The following MYLK variants were observed in gnomAD, a reference collection of about 807,000 sequenced individuals.
MYLK encodes myosin light chain kinase.
A neutral mutation model predicts 203.4 loss-of-function variants in MYLK; 106 were observed. The observed-to-expected ratio is 0.52, with a 90% CI of 0.45 to 0.61. The LOEUF is 0.61. MYLK is among the 20% of genes least tolerant of loss of function. The pLI is 0.00. For missense variants in MYLK, 2,072 were observed against 2,442.3 expected, an observed-to-expected ratio of 0.85 and a Z score of 3.20; for synonymous variants, 867 against 959.5, an observed-to-expected ratio of 0.90 and a Z score of 1.78.
chr3:123,772,399 T>A lies in MYLK; in HGVS notation c.166-19861A>T, dbSNP rs2108990208. On this transcript the variant is annotated intron_variant, in intron 4 of 33. Transcript: ENST00000360304. The stretch of plus-strand genomic sequence containing the variant: ...AGATTATTCAGTAAGTGTGGATAAC[T>A]TGAAAAAAATCCTATTCAAGATCCC... Among the ~76,000 whole-genome samples, 4 of 152,150 alleles carry A rather than the reference T, an allele frequency of 2.6e-5. No homozygotes were observed. In the East Asian group the frequency reaches 7.7e-4, roughly 29 times the overall value.
In MYLK at chr3:123,666,224, T is replaced by C. The variant is rs1270939003; in HGVS notation, c.3826A>G (p.Lys1276Glu). ...CACCCCATACCGTCACTGACCTGCT[T>C]TCGGAACTTCATCCAGGTACAGGTG... ...PITCTWMKFRKQIQESEHMKV... is the reference protein window; with the variant it reads ...PITCTWMKFREQIQESEHMKV... Residue 1276 changes from lysine (K) to glutamate (E), a missense_variant, in exon 22 of 34, where the codon AAG (lysine) becomes GAG (glutamate). Transcript: ENST00000360304. The C allele has an allele frequency of 6.2e-7, 1 of 1,614,078 alleles. No individual in the cohort carries two copies. The highest frequency in any genetic ancestry group is 8.5e-7 in the Non-Finnish European group (1 of 1,180,042).
At chr3:123,655,005 A>C (rs1411292769) in intron 24 of MYLK, among the ~76,000 whole-genome samples, 1 of 152,160 alleles carries the variant, frequency 6.6e-6, no homozygotes, top group Non-Finnish European at 1.5e-5. Flanking sequence ...GGTGTGAGCC[A>C]CCACGCCCGG....
intron 19 of MYLK, 53 bp downstream of exon 19, chr3:123,692,682 T>G: frequency 7.2e-7 from 1 of 1,381,232 alleles, no homozygotes; most frequent in Non-Finnish European, 1.0e-6. Flanking sequence ...AGGGAGGGGC[T>G]GAGAAATGGG....
At chr3:123,614,649 T>G (rs561769413) in intron 33 of MYLK, among the ~76,000 whole-genome samples, 1 of 152,296 alleles carries the variant, frequency 6.6e-6, no homozygotes, top group Middle Eastern at 3.4e-3. Flanking sequence ...TTTTTTAAAG[T>G]GATGAGTCTC....
chr3:123,774,310 G>T (rs909968528), intron 4 of MYLK, among the ~76,000 whole-genome samples: 2 of 152,094 alleles, frequency 1.3e-5, no homozygotes, highest in African/African-American at 4.8e-5. Flanking sequence ...CAATACTTTT[G>T]CAGGGTCAGT....
chr3:123,689,594 G>C (rs2060585299), intron 19 of MYLK: 1 of 152,278 alleles, frequency 6.6e-6, no homozygotes, highest in Non-Finnish European at 1.5e-5. Flanking sequence ...CTGACCCTTG[G>C]TGAGCCTCAG....
intron 12 of MYLK, among the ~76,000 whole-genome samples, chr3:123,723,196 T>C (rs1263656210): frequency 6.6e-6 from 1 of 151,600 alleles, no homozygotes; most frequent in African/African-American, 2.4e-5. Flanking sequence ...TTCATAAAAT[T>C]GGGGTCGGCC....
At chr3:123,644,035 G>T (rs555969996) in intron 27 of MYLK, among the ~76,000 whole-genome samples, 1 of 152,336 alleles carries the variant, frequency 6.6e-6, no homozygotes, top group South Asian at 2.1e-4. Flanking sequence ...CTACTATATG[G>T]TGGGGGCTCA....
Position 123,700,889 on chromosome 3 carries a change from C to G in MYLK, c.2579G>C (p.Trp860Ser). ...RPGWPARGQG[W>S]LEEEDGEDVR... Reference sequence around the variant, plus strand: ...GTCCTCGCCGTCTTCCTCCTCTAGCCAACCCTGCCCTCTTGCTGGCCAGCC... The same window carrying G: ...GTCCTCGCCGTCTTCCTCCTCTAGCGAACCCTGCCCTCTTGCTGGCCAGCC... Residue 860 changes from tryptophan to serine, a missense_variant, in exon 18 of 34, where the codon TGG (tryptophan) becomes TCG (serine). Around this residue, in one of 3 missense-constraint regions of MYLK, gnomAD observed 865 missense variants for 1,016.0 expected, o/e 0.85. Coordinates refer to ENST00000360304, the MANE Select transcript of MYLK (RefSeq NM_053025.4). 2 of 1,613,008 alleles carry G rather than the reference C, an allele frequency of 1.2e-6. No individual in the cohort carries two copies. The highest frequency in any genetic ancestry group is 1.7e-6 in the Non-Finnish European group (2 of 1,180,032).
At chr3:123,734,310 C>T in intron 9 of MYLK, 88 bp from the exon 10 acceptor site, 1 of 1,301,258 alleles carries the variant, frequency 7.7e-7, no homozygotes, top group Non-Finnish European at 1.0e-6. Context: ...TTACTCATCA[C>T]AAGCACGGAT....
At chr3:123,737,223 GAA>G (rs5852360) in intron 8 of MYLK, 153 bp downstream of exon 8, 620 of 614,812 alleles carry the variant, frequency 1.0e-3, no homozygotes, top group Non-Finnish European at 1.2e-3. Flanking sequence ...TGTCTGAAGA[GAA>G]AAAAAAAAAA....
rs1028438823 is a variant in MYLK at position 123,629,146 on chromosome 3, A to G, written c.5114+328T>C. On this transcript the variant is annotated intron_variant, in intron 30 of 33. Transcript: ENST00000360304. The surrounding 1 kb of genome is among the most constrained non-coding windows in gnomAD (Gnocchi z 4.4). ...GCTGTGGCTGGCCACAACTGTACCC[A>G]GAAAATAAGAAGGGTGGTCATTATT... is the stretch of plus-strand genomic sequence containing the variant. 6.6e-6 allele frequency among the ~76,000 whole-genome samples: 1 copy of G among 152,174 alleles called. No homozygotes were observed. Among genetic ancestry groups the G allele is most frequent in the Non-Finnish European group, 1.5e-5 (1 of 68,022 alleles).
At chr3:123,798,094 C>G (rs1041469155) in intron 3 of MYLK, among the ~76,000 whole-genome samples, 1 of 152,190 alleles carries the variant, frequency 6.6e-6, no homozygotes. Flanking sequence ...ATTTAATAAG[C>G]AAGGTGTACG....
intron 33 of MYLK, chr3:123,616,455 C>T (rs967408214): frequency 2.6e-5 from 4 of 152,056 alleles, no homozygotes; most frequent in Admixed American, 6.6e-5. Context: ...ACATGTACCC[C>T]GCTTTTAAAG....
rs571609471 is a variant in MYLK, at chr3:123,640,082, T to A, written c.4837+205A>T. ...CCTCCTAACAAATCTGTGAGTTAGG[T>A]CCTACTATGATCCCACTTTTCTGAT... On this transcript the variant is annotated intron_variant, in intron 28 of 33. Coordinates refer to ENST00000360304, the MANE Select transcript of MYLK (RefSeq NM_053025.4). This position sits in a 1 kb window ranked among gnomAD's most constrained non-coding sequence, Gnocchi z 4.3. Among the ~76,000 whole-genome samples, 1 of 152,014 alleles carries A rather than the reference T, an allele frequency of 6.6e-6. No homozygotes were observed. The highest frequency in any genetic ancestry group is 6.5e-5 in the Admixed American group (1 of 15,278).
chr3:123,708,650 G>C, intron 15 of MYLK, 48 bp downstream of exon 15: 2 of 1,607,950 alleles, frequency 1.2e-6, no homozygotes, highest in Non-Finnish European at 1.7e-6. Context: ...TTTTGGAGGG[G>C]CTGCAGCAGC....
chr3:123,815,318 A>T (rs777407592), intron 3 of MYLK, among the ~76,000 whole-genome samples: 1 of 152,194 alleles, frequency 6.6e-6, no homozygotes, highest in Non-Finnish European at 1.5e-5. Context: ...TCAGGCAAGT[A>T]TCAGGTCCAG....
chr3:123,774,689 A>T (rs1283952729), intron 4 of MYLK, among the ~76,000 whole-genome samples: 1 of 152,204 alleles, frequency 6.6e-6, no homozygotes, highest in Non-Finnish European at 1.5e-5. Context: ...AGTATTCTTC[A>T]AGAGCACTGT....
rs568091393 is a variant in MYLK, at chr3:123,650,371, G to A, written c.4289-1177C>T. On this transcript the variant is annotated intron_variant, in intron 24 of 33. Transcript: ENST00000360304. Reference sequence around the variant, plus strand: ...CCAAGGAAGCAAAACAAAGACAGGAGAGAAAGCATAGAGGGAGGAAAAGGA... The same window carrying A: ...CCAAGGAAGCAAAACAAAGACAGGAAAGAAAGCATAGAGGGAGGAAAAGGA... 3.7e-4 allele frequency among the ~76,000 whole-genome samples: 57 copies of A among 152,236 alleles called. 1 individual carries two copies. In the South Asian group the frequency reaches 0.012, roughly 31 times the overall value.
Sources: gnomAD v4.1 joint callset for allele counts (sites outside exome capture counted in the v4.1 genomes callset) on GRCh38, gnomAD v4.1.1 for gene constraint, gnomAD v4.1.1 regional missense constraint, Gnocchi (gnomAD v3.1) non-coding constraint, MANE v1.5 for transcripts, NCBI Gene and HGNC (gene_info 2026-07-23, HGNC 2026-07-21) for gene names.